The following GZMK variants were observed in gnomAD, a reference collection of about 807,000 sequenced individuals.
The protein encoded by GZMK is NK-Tryp-2.
In GZMK, 18 loss-of-function variants were observed where a neutral mutation model predicts 22.8. That is an observed-to-expected ratio of 0.79 (90% CI 0.54 to 1.17). The LOEUF (loss-of-function observed/expected upper bound fraction) is 1.17, where lower values mean the gene tolerates loss of function less well. Ranked by LOEUF, GZMK falls within the 50% of genes most tolerant of loss-of-function variation. The pLI is 0.00. For missense variants in GZMK, 342 were observed against 320.2 expected, an observed-to-expected ratio of 1.07 and a Z score of -0.52; for synonymous variants, 136 against 115.0, an observed-to-expected ratio of 1.18 and a Z score of -1.17.
chr5:55,030,029 C>T (rs1360568312), intron 2 of GZMK, among the ~76,000 whole-genome samples: 1 of 152,076 alleles, frequency 6.6e-6, no homozygotes, highest in Non-Finnish European at 1.5e-5. Context: ...TATACTTTAC[C>T]ACAATAAACA....
At position 55,031,441 on chromosome 5, in the gene GZMK, C is replaced by T. The variant is rs35259610; in HGVS notation, c.441C>T (p.Thr147=). ...IRSKTSLRSG[T]KCKVTGWGAT... is the part of the protein sequence containing the mutation. ...CCAAAACCTCTCTTAGATCTGGAAC[C>T]AAATGCAAGGTTACTGGCTGGGGAG... is the stretch of plus-strand genomic sequence containing the variant. The change falls in exon 4 of 5, where the codon ACC becomes ACT. Residue 147 remains threonine (T), a synonymous_variant. Transcript: ENST00000231009. 3.6e-4 allele frequency: 581 copies of T among 1,613,448 alleles called. No individual in the cohort carries two copies. The highest frequency in any genetic ancestry group is 4.7e-4 in the Non-Finnish European group (558 of 1,179,460).
At chr5:55,025,400 G>A (rs919079541) in intron 2 of GZMK, among the ~76,000 whole-genome samples, 2 of 152,134 alleles carry the variant, frequency 1.3e-5, no homozygotes, top group African/African-American at 4.8e-5. Context: ...ACAAGTTATT[G>A]ATGACTTCTA....
intron 3 of GZMK, 39 bp from the exon 4 acceptor site, chr5:55,031,325 C>T (rs1193068954): frequency 4.4e-6 from 7 of 1,580,798 alleles, no homozygotes; most frequent in Non-Finnish European, 5.2e-6. Context: ...CAGAATACTA[C>T]TGGGAAAGAA....
In GZMK at chr5:55,033,971, T is replaced by C. The variant is rs777260291; in HGVS notation, c.*45T>C. 4 of 1,517,078 alleles carry C rather than the reference T, an allele frequency of 2.6e-6. No homozygotes were observed. The South Asian group carries it at 4.8e-5, about 18-fold the overall frequency. 94.0% of individuals were successfully genotyped at this position (1,517,078 alleles called of 1,614,324 possible). A position where few individuals can be genotyped will look rare whatever the true frequency, so the allele number is the denominator to read the frequency against. On this transcript the variant is annotated 3_prime_UTR_variant, in exon 5 of 5. Coordinates refer to ENST00000231009, the MANE Select transcript of GZMK (RefSeq NM_002104.3). ...GATGCACTTGCTTCTTTTTTCCTAA[T>C]ATGCTCGCAGGTTAGAGTTGGGTGT...
chr5:55,030,435 T>C lies in GZMK; in HGVS notation c.214T>C (p.Phe72Leu), dbSNP rs1237804721. The C allele has an allele frequency of 6.2e-7, 1 of 1,611,466 alleles. No individual in the cohort carries two copies. The highest frequency in any genetic ancestry group is 1.3e-5 in the African/African-American group (1 of 74,652). Residue 72 changes from phenylalanine to leucine, a missense_variant and splice_region_variant, in exon 3 of 5, where the codon TTT (phenylalanine) becomes CTT (leucine). Physicochemically the swap from Phe to Leu is conservative, Grantham distance 22. Coordinates refer to ENST00000231009, the MANE Select transcript of GZMK (RefSeq NM_002104.3). ...VLTAAHCQYR[F>L]TKGQSPTVVL... ...TTTCATTGTCTTTGCTTTTTTTAGG[T>C]TTACCAAAGGCCAGTCTCCCACTGT...
rs891211701 is a variant in GZMK, at chr5:55,032,916, A to C, written c.634-849A>C. Among the ~76,000 whole-genome samples, 7 of 152,300 alleles carry C rather than the reference A, an allele frequency of 4.6e-5. No homozygotes were observed. In the Middle Eastern group the frequency reaches 0.01, roughly 222 times the overall value. On this transcript the variant is annotated intron_variant, in intron 4 of 4. Coordinates refer to ENST00000231009, the MANE Select transcript of GZMK (RefSeq NM_002104.3). Reference sequence around the variant, plus strand: ...ATACTATATTAAGTATAATTGGGGGAGAGGATATGATGACTTCAAATGTCT... The same window carrying C: ...ATACTATATTAAGTATAATTGGGGGCGAGGATATGATGACTTCAAATGTCT...
In GZMK at chr5:55,031,505, C is replaced by G; in HGVS notation, c.505C>G (p.Arg169Gly). The change falls in exon 4 of 5, where the codon CGA becomes GGA. Residue 169 changes from arginine to glycine, a missense_variant. Physicochemically the swap from Arg to Gly is moderately radical, Grantham distance 125 (BLOSUM62 -2). Coordinates refer to ENST00000231009, the MANE Select transcript of GZMK (RefSeq NM_002104.3). ...PDSLRPSDTL[R>G]EVTVTVLSRK... is the part of the protein sequence containing the mutation. Reference sequence around the variant, plus strand: ...TTCATTAAGACCTTCTGACACCCTGCGAGAAGTCACTGTTACTGTCCTAAG... The same window carrying G: ...TTCATTAAGACCTTCTGACACCCTGGGAGAAGTCACTGTTACTGTCCTAAG... 6.2e-7 allele frequency: 1 copy of G among 1,614,060 alleles called. No individual in the cohort carries two copies. Among genetic ancestry groups the G allele is most frequent in the South Asian group, 1.1e-5 (1 of 91,080 alleles).
At chr5:55,032,020 G>A (rs970094401) in intron 4 of GZMK, among the ~76,000 whole-genome samples, 8 of 150,668 alleles carry the variant, frequency 5.3e-5, no homozygotes, top group African/African-American at 2.0e-4. Flanking sequence ...AGGCCTTAAA[G>A]ACTCAAATGC....
At position 55,031,387 on chromosome 5, in the gene GZMK, TA is replaced by T. The variant is rs1323212326; in HGVS notation, c.390del (p.Lys130AsnfsTer8). ...VKLQTAAKLN[K>X]HVKMLHIRSK... ...AGCTTCAAACAGCCGCAAAACTCAA[TA>T]AACATGTCAAGATGCTCCACATAAG... On this transcript the variant is annotated frameshift_variant, in exon 4 of 5. Transcript: ENST00000231009. LOFTEE classifies it high-confidence loss of function. The T allele has an allele frequency of 6.2e-7, 1 of 1,613,522 alleles. No individual in the cohort carries two copies. Among genetic ancestry groups the T allele is most frequent in the Non-Finnish European group, 8.5e-7 (1 of 1,179,532 alleles).
intron 3 of GZMK, 55 bp downstream of exon 3, chr5:55,030,639 C>G: frequency 7.3e-7 from 1 of 1,368,450 alleles, no homozygotes. Context: ...TACAGGATGG[C>G]TCAATTAGTT....
intron 2 of GZMK, 26 bp downstream of exon 2, chr5:55,024,833 A>G (rs1554044367): frequency 2.7e-6 from 4 of 1,495,874 alleles, no homozygotes; most frequent in Admixed American, 4.0e-5. Flanking sequence ...TTTTCCAGAC[A>G]TGTGTTTTTT....
intron 2 of GZMK, among the ~76,000 whole-genome samples, chr5:55,029,065 T>C (rs1741180600): frequency 6.6e-6 from 1 of 152,046 alleles, no homozygotes; most frequent in Admixed American, 6.6e-5. Flanking sequence ...TGAAATTCCG[T>C]CTTTACTAAA....
At chr5:55,027,166 G>C (rs1251096358) in intron 2 of GZMK, among the ~76,000 whole-genome samples, 2 of 152,186 alleles carry the variant, frequency 1.3e-5, no homozygotes, top group Admixed American at 1.3e-4. Context: ...TCACCACGCT[G>C]TTGTGCGGTT....
At position 55,031,538 on chromosome 5, in the gene GZMK, C is replaced by T. The variant is rs372389313; in HGVS notation, c.538C>T (p.Leu180Phe). 5.2e-5 allele frequency: 84 copies of T among 1,614,014 alleles called. No individual in the cohort carries two copies. The highest frequency in any genetic ancestry group is 7.0e-5 in the Non-Finnish European group (83 of 1,179,964). ...CACTGTTACTGTCCTAAGTCGAAAACTTTGCAACAGCCAAAGTTACTACAA... is the reference window on the plus strand; with the variant it reads ...CACTGTTACTGTCCTAAGTCGAAAATTTTGCAACAGCCAAAGTTACTACAA... ...EVTVTVLSRK[L>F]CNSQSYYNGD... The change falls in exon 4 of 5, where the codon CTT (leucine) becomes TTT (phenylalanine). Residue 180 changes from leucine (L) to phenylalanine (F), a missense_variant. Physicochemically the swap from Leu to Phe is conservative, Grantham distance 22. Coordinates refer to ENST00000231009, the MANE Select transcript of GZMK (RefSeq NM_002104.3).
rs1741235198 is a variant in GZMK at position 55,031,605 on chromosome 5, A to G, written c.605A>G (p.Asp202Gly). The G allele has an allele frequency of 6.2e-7, 1 of 1,613,684 alleles. No homozygotes were observed. Among genetic ancestry groups the G allele is most frequent in the Non-Finnish European group, 8.5e-7 (1 of 1,179,614 alleles). ...FITKDMVCAGDAKGQKDSCKG... is the reference protein window; with the variant it reads ...FITKDMVCAGGAKGQKDSCKG... ...ACCAAAGACATGGTCTGTGCAGGAG[A>G]TGCCAAAGGCCAGAAGGATTCCTGT... is the stretch of plus-strand genomic sequence containing the variant. Residue 202 changes from aspartate to glycine, a missense_variant, in exon 4 of 5, where the codon GAT (aspartate) becomes GGT (glycine). Asp to Gly is a moderately conservative substitution (Grantham distance 94). Transcript: ENST00000231009.
chr5:55,030,273 C>A, intron 2 of GZMK, 161 bp from the exon 3 acceptor site: 7 of 601,536 alleles, frequency 1.2e-5, no homozygotes, highest in Non-Finnish European at 2.0e-5. Flanking sequence ...TCAATTCATG[C>A]TGGGCTCCAC....
chr5:55,026,156 G>A (rs1427610739), intron 2 of GZMK, among the ~76,000 whole-genome samples: 1 of 152,164 alleles, frequency 6.6e-6, no homozygotes, highest in African/African-American at 2.4e-5. Flanking sequence ...ACTTCTAAAT[G>A]TTCAACAAAC....
At chr5:55,026,710 C>A (rs963109985) in intron 2 of GZMK, 1 of 152,204 alleles carries the variant, frequency 6.6e-6, no homozygotes, top group African/African-American at 2.4e-5. Context: ...TCCCTTCTCA[C>A]CAGCCATCCA....
chr5:55,031,459 C>T lies in GZMK; in HGVS notation c.459C>T (p.Gly153=), dbSNP rs1461318466. The T allele has an allele frequency of 6.2e-7, 1 of 1,613,822 alleles. No individual in the cohort carries two copies. Among genetic ancestry groups the T allele is most frequent in the Non-Finnish European group, 8.5e-7 (1 of 1,179,786 alleles). Residue 153 remains glycine (G), a synonymous_variant, in exon 4 of 5, where the codon GGC becomes GGT. Transcript: ENST00000231009. The part of the protein sequence containing the change: ...LRSGTKCKVT[G]WGATDPDSLR... ...CTGGAACCAAATGCAAGGTTACTGG[C>T]TGGGGAGCCACCGATCCAGATTCAT...
Sources: gnomAD v4.1 joint callset for allele counts (sites outside exome capture counted in the v4.1 genomes callset) on GRCh38, gnomAD v4.1.1 for gene constraint, MANE v1.5 for transcripts, NCBI Gene and HGNC (gene_info 2026-07-23, HGNC 2026-07-21) for gene names.